The following CDC42BPA variants were observed in gnomAD, a reference collection of about 807,000 sequenced individuals.
CDC42BPA encodes serine/threonine-protein kinase MRCK alpha.
A neutral mutation model predicts 223.5 loss-of-function variants in CDC42BPA; 80 were observed. The observed-to-expected ratio is 0.36, with a 90% confidence interval of 0.30 to 0.43. The LOEUF is 0.43. Ranked by LOEUF, CDC42BPA falls within the 20% of genes least tolerant of loss-of-function variation. CDC42BPA has a pLI of 1.00. For synonymous variants in CDC42BPA, 694 were observed against 718.6 expected, an observed-to-expected ratio of 0.97 and a Z score of 0.55; for missense variants, 1,743 against 2,099.9, an observed-to-expected ratio of 0.83 and a Z score of 3.32.
At chr1:227,018,103 G>A (rs1027315906) in intron 32 of CDC42BPA, among the ~76,000 whole-genome samples, 4 of 151,416 alleles carry the variant, frequency 2.6e-5, no homozygotes, top group African/African-American at 9.7e-5. Flanking sequence ...CTGAAGTGTA[G>A]TGGCACCATG....
chr1:227,235,015 T>C (rs1360818694), intron 2 of CDC42BPA: 3 of 152,160 alleles, frequency 2.0e-5, no homozygotes, highest in Admixed American at 6.5e-5. Context: ...AGCCAAAAGA[T>C]TGGACACCTC....
At chr1:227,209,898 T>C (rs1382748398) in intron 3 of CDC42BPA, among the ~76,000 whole-genome samples, 5 of 150,106 alleles carry the variant, frequency 3.3e-5, no homozygotes, top group Non-Finnish European at 5.9e-5. Flanking sequence ...GATTCCCTCT[T>C]TTTCTATTGA....
chr1:227,148,660 A>T (rs1466676596), intron 6 of CDC42BPA, among the ~76,000 whole-genome samples: 1 of 150,858 alleles, frequency 6.6e-6, no homozygotes, highest in African/African-American at 2.4e-5. Flanking sequence ...CCAGCTACTC[A>T]GGAGGCTGAG....
chr1:227,042,386 A>G (rs866528499), intron 23 of CDC42BPA, among the ~76,000 whole-genome samples: 6 of 151,930 alleles, frequency 3.9e-5, no homozygotes, highest in African/African-American at 7.3e-5. Flanking sequence ...AGGGAAAAAT[A>G]TAACAACCCA....
rs1295645030 is a variant in CDC42BPA, at chr1:226,992,220, T to A, written c.*2048A>T. 1 of 152,182 alleles carries A rather than the reference T, an allele frequency of 6.6e-6. No homozygotes were observed. Among genetic ancestry groups the A allele is most frequent in the Non-Finnish European group, 1.5e-5 (1 of 68,026 alleles). 9.4% of individuals were successfully genotyped at this position (152,182 alleles called of 1,614,324 possible). A position where few individuals can be genotyped will look rare whatever the true frequency, so the allele number is the denominator to read the frequency against. ...CCAACTAAAGGGCCAACCCTTGGTA[T>A]TCAGGTGAGAAAAGTATTTTTATAC... is the stretch of plus-strand genomic sequence containing the variant. On this transcript the variant is annotated 3_prime_UTR_variant, in exon 37 of 37. Transcript: ENST00000366766.
chr1:227,178,236 C>A (rs1208602042), intron 5 of CDC42BPA: 1 of 152,240 alleles, frequency 6.6e-6, no homozygotes, highest in Non-Finnish European at 1.5e-5. Context: ...TGGGAGATAA[C>A]TGAATCATGG....
intron 35 of CDC42BPA, chr1:227,003,910 A>AT (rs143955888): frequency 0.018 from 2,788 of 152,296 alleles, 35 homozygotes; most frequent in Middle Eastern, 0.075. Context: ...TCATGTATGT[A>AT]TTTTTACCCC....
chr1:227,111,509 C>T (rs750372915), intron 14 of CDC42BPA, among the ~76,000 whole-genome samples: 6 of 152,028 alleles, frequency 3.9e-5, no homozygotes, highest in Non-Finnish European at 5.9e-5. Flanking sequence ...TTGTTTAAGA[C>T]GGAGTTTCGC....
chr1:227,091,283 A>C (rs1033334158), intron 16 of CDC42BPA, among the ~76,000 whole-genome samples: 1 of 152,194 alleles, frequency 6.6e-6, no homozygotes, highest in African/African-American at 2.4e-5. Context: ...TCAGGTTGAA[A>C]TGTGATTCCC....
intron 2 of CDC42BPA, among the ~76,000 whole-genome samples, chr1:227,249,302 A>C (rs1191669973): frequency 1.3e-5 from 2 of 152,256 alleles, no homozygotes; most frequent in African/African-American, 2.4e-5. Context: ...TAAAGATTTA[A>C]GTCTAATACC....
At chr1:227,249,287 T>C (rs1428579103) in intron 2 of CDC42BPA, among the ~76,000 whole-genome samples, 4 of 152,142 alleles carry the variant, frequency 2.6e-5, no homozygotes, top group Non-Finnish European at 5.9e-5. Context: ...CAAATCAAAA[T>C]GGATTAAAGA....
intron 15 of CDC42BPA, among the ~76,000 whole-genome samples, chr1:227,099,926 T>C (rs12403391): frequency 0.15 from 23,475 of 152,110 alleles, 2,200 homozygotes; most frequent in African/African-American, 0.25. Flanking sequence ...GAAAGTTCTA[T>C]GGGACAGGAA....
chr1:227,169,093 G>A (rs546195777), intron 5 of CDC42BPA, among the ~76,000 whole-genome samples: 5 of 109,642 alleles, frequency 4.6e-5, no homozygotes, highest in Admixed American at 9.6e-5. Context: ...TTCAGATTTT[G>A]TATTTTTCAT....
At chr1:227,050,137 TATA>T (rs1446304464) in intron 22 of CDC42BPA, among the ~76,000 whole-genome samples, 1 of 152,080 alleles carries the variant, frequency 6.6e-6, no homozygotes, top group South Asian at 2.1e-4. Context: ...ATCTAGAGTA[TATA>T]ATGAACACAA....
At chr1:227,076,415 C>T (rs1430681685) in intron 17 of CDC42BPA, among the ~76,000 whole-genome samples, 1 of 152,142 alleles carries the variant, frequency 6.6e-6, no homozygotes, top group African/African-American at 2.4e-5. Context: ...TGCCACCACG[C>T]CTGGCTAATT....
At chr1:227,237,810 GC>G (rs530201003) in intron 2 of CDC42BPA, among the ~76,000 whole-genome samples, 284 of 135,548 alleles carry the variant, frequency 2.1e-3, no homozygotes, top group African/African-American at 7.1e-3. Flanking sequence ...GGAGGCCGAG[GC>G]GGGCGGATCA....
chr1:227,129,707 A>ATATATATATATATATATATATG (rs1204808728), intron 10 of CDC42BPA, among the ~76,000 whole-genome samples: 17 of 134,892 alleles, frequency 1.3e-4, no homozygotes, highest in Non-Finnish European at 2.5e-4. Flanking sequence ...CACTGCATAT[A>ATATATATATATATATATATATG]TATATATACA....
chr1:227,296,518 C>T (rs1690659186), intron 1 of CDC42BPA, among the ~76,000 whole-genome samples: 1 of 151,876 alleles, frequency 6.6e-6, no homozygotes. Context: ...CCAGCCTGGC[C>T]ATAATGGTGA....
rs1692794850 is a variant in CDC42BPA, at chr1:227,307,636, T to TA, written c.178+9368dup. On this transcript the variant is annotated intron_variant, in intron 1 of 36. Transcript: ENST00000366766. ...CAATCTTACACAGCCACTGAACTCTTAATTTTCAGAATATTCATTTATATC... is the reference window on the plus strand; with the variant it reads ...CAATCTTACACAGCCACTGAACTCTTAAATTTTCAGAATATTCATTTATATC... 2.0e-5 allele frequency among the ~76,000 whole-genome samples: 3 copies of TA among 152,344 alleles called. No individual in the cohort carries two copies. In the South Asian group the frequency reaches 6.2e-4, roughly 32 times the overall value.
Sources: gnomAD v4.1 joint callset for allele counts (sites outside exome capture counted in the v4.1 genomes callset) on GRCh38, gnomAD v4.1.1 for gene constraint, MANE v1.5 for transcripts, NCBI Gene and HGNC (gene_info 2026-07-23, HGNC 2026-07-21) for gene names.